Variants in NFE2L2 observed in about 807,000 individuals in gnomAD.
NFE2L2 encodes nuclear factor erythroid 2-related factor 2.
In NFE2L2, 20 loss-of-function variants were observed where a neutral mutation model predicts 49.6. The ratio of observed to expected loss-of-function variants is 0.40; its 90% confidence interval spans 0.28 to 0.59. NFE2L2 has a LOEUF of 0.59. Among genes scored for constraint, NFE2L2 ranks in the 20% least tolerant of loss-of-function variants. NFE2L2 has a pLI of 0.40. For missense variants in NFE2L2, 578 were observed against 714.2 expected, an observed-to-expected ratio of 0.81 and a Z score of 2.17; for synonymous variants, 244 against 256.5, an observed-to-expected ratio of 0.95 and a Z score of 0.47.
chr2:177,246,887 T>A (rs538111123), intron 1 of NFE2L2, among the ~76,000 whole-genome samples: 1 of 149,392 alleles, frequency 6.7e-6, no homozygotes, highest in African/African-American at 2.5e-5. Flanking sequence ...CGTGAGCCAC[T>A]GCACCCAGAC....
chr2:177,247,684 C>CAAAAAA (rs57701650), intron 1 of NFE2L2, among the ~76,000 whole-genome samples: 2 of 56,334 alleles, frequency 3.6e-5, no homozygotes, highest in Non-Finnish European at 7.7e-5. Flanking sequence ...CCCCACCCCG[C>CAAAAAA]AAAAAAAAAA....
At chr2:177,253,798 A>G (rs1324362270) in intron 1 of NFE2L2, among the ~76,000 whole-genome samples, 5 of 152,224 alleles carry the variant, frequency 3.3e-5, no homozygotes, top group Non-Finnish European at 4.4e-5. Flanking sequence ...AACTATTAAC[A>G]CTCACCCCTT....
Position 177,231,674 on chromosome 2 carries a change from G to C in NFE2L2, c.929C>G (p.Ser310Cys). ...PSPATLSHSL[S>C]ELLNGPIDVS... ...ATCAATGGGCCCATTTAGAAGTTCA[G>C]AGAGTGAATGGCTTAAAGTAGCAGG... The change falls in exon 5 of 5, where the codon TCT (serine) becomes TGT (cysteine). Residue 310 changes from serine (S) to cysteine (C), a missense_variant. By Grantham distance (112) the Ser-to-Cys change is moderately radical (BLOSUM62 -1). Transcript: ENST00000397062. The C allele has an allele frequency of 1.9e-6, 3 of 1,614,190 alleles. No homozygotes were observed.
chr2:177,247,502 ATACAAAAAAT>A (rs908564347), intron 1 of NFE2L2, among the ~76,000 whole-genome samples: 59 of 152,144 alleles, frequency 3.9e-4, no homozygotes, highest in African/African-American at 1.3e-3. Flanking sequence ...TCTACTAAAA[ATACAAAAAAT>A]TAGCCGGGCG....
At chr2:177,236,888 G>A (rs549875306) in intron 1 of NFE2L2, among the ~76,000 whole-genome samples, 5 of 151,890 alleles carry the variant, frequency 3.3e-5, no homozygotes, top group South Asian at 4.2e-4. Context: ...CTCATTTTGA[G>A]ATAGGGTCTC....
rs1689528824 is a variant in NFE2L2, at chr2:177,231,144, T to C, written c.1459A>G (p.Lys487Glu). The C allele has an allele frequency of 1.2e-6, 2 of 1,614,094 alleles. No homozygotes were observed. Among genetic ancestry groups the C allele is most frequent in the African/African-American group, 2.7e-5 (2 of 74,944 alleles). ...PVVDFNEMMS[K>E]EQFNEAQLAL... is the part of the protein sequence containing the mutation. The stretch of plus-strand genomic sequence containing the variant: ...AGTTGAGCTTCATTGAACTGCTCTT[T>C]GGACATCATTTCGTTGAAGTCAACA... Residue 487 changes from lysine (K) to glutamate (E), a missense_variant, in exon 5 of 5, where the codon AAA becomes GAA. This residue lies in a region of NFE2L2 where 117 missense variants were observed against 175.8 expected (regional missense o/e 0.67). Coordinates refer to ENST00000397062, the MANE Select transcript of NFE2L2 (RefSeq NM_006164.5).
chr2:177,242,113 T>TA (rs1689956144), intron 1 of NFE2L2, among the ~76,000 whole-genome samples: 1 of 152,248 alleles, frequency 6.6e-6, no homozygotes, highest in African/African-American at 2.4e-5. Flanking sequence ...CACATTCCAG[T>TA]ACTTTTGGTT....
intron 1 of NFE2L2, among the ~76,000 whole-genome samples, chr2:177,246,054 G>C (rs1281654547): frequency 6.6e-6 from 1 of 152,146 alleles, no homozygotes; most frequent in Non-Finnish European, 1.5e-5. Flanking sequence ...ACTGCTCCTT[G>C]GTGTTCACAC....
At chr2:177,256,834 T>C (rs1690544376) in intron 1 of NFE2L2, among the ~76,000 whole-genome samples, 1 of 152,188 alleles carries the variant, frequency 6.6e-6, no homozygotes. Flanking sequence ...GAGGCCACAG[T>C]GGACAGAGTT....
chr2:177,261,179 A>C lies in NFE2L2; in HGVS notation c.45+3353T>G, dbSNP rs531805004. Among the ~76,000 whole-genome samples the C allele has an allele frequency of 2.4e-4, 37 of 151,482 alleles. 1 individual carries two copies. The East Asian group carries it at 4.4e-3, about 18-fold the overall frequency. On this transcript the variant is annotated intron_variant, in intron 1 of 4. Coordinates refer to ENST00000397062, the MANE Select transcript of NFE2L2 (RefSeq NM_006164.5). Reference sequence around the variant, plus strand: ...GAACAAGACTTCATCTCAAAAAAAAAAAAAAACAAAAAACAAAAAACAGTC... The same window carrying C: ...GAACAAGACTTCATCTCAAAAAAAACAAAAAACAAAAAACAAAAAACAGTC...
At chr2:177,258,358 A>G (rs1280199310) in intron 1 of NFE2L2, among the ~76,000 whole-genome samples, 1 of 152,372 alleles carries the variant, frequency 6.6e-6, no homozygotes, top group East Asian at 1.9e-4. Flanking sequence ...TTCCATTTAC[A>G]TGCTATTCCA....
In NFE2L2 at chr2:177,230,372, A is replaced by G. The variant is rs751033344; in HGVS notation, c.*413T>C. On this transcript the variant is annotated 3_prime_UTR_variant, in exon 5 of 5. Transcript: ENST00000397062. ...AAAATTTTTTTTTTTTGCCAGAGCTAAACAATTTAATATAAAAAATGCCAT... is the reference window on the plus strand; with the variant it reads ...AAAATTTTTTTTTTTTGCCAGAGCTGAACAATTTAATATAAAAAATGCCAT... 27 of 233,012 alleles carry G rather than the reference A, an allele frequency of 1.2e-4. No homozygotes were observed. Among genetic ancestry groups the G allele is most frequent in the Non-Finnish European group, 2.0e-4 (24 of 117,956 alleles). 14.4% of individuals were successfully genotyped at this position (233,012 alleles called of 1,614,324 possible).
intron 1 of NFE2L2, among the ~76,000 whole-genome samples, chr2:177,257,495 T>G (rs533794124): frequency 6.6e-6 from 1 of 152,354 alleles, no homozygotes; most frequent in African/African-American, 2.4e-5. Context: ...AGTTCCTGAA[T>G]GTAGGTGTTA....
At chr2:177,246,238 A>ATAGGGAG (rs1690124339) in intron 1 of NFE2L2, among the ~76,000 whole-genome samples, 1 of 152,118 alleles carries the variant, frequency 6.6e-6, no homozygotes, top group Non-Finnish European at 1.5e-5. Context: ...AAATCAGGAC[A>ATAGGGAG]ACTCCCTTGC....
In NFE2L2 at chr2:177,261,064, G is replaced by A. The variant is rs368109647; in HGVS notation, c.45+3468C>T. ...TGGGTGCCTATAATCCCAGCTACTC[G>A]GGAGGCTGAAGCAGGAGAATCACTT... On this transcript the variant is annotated intron_variant, in intron 1 of 4. Transcript: ENST00000397062. Among the ~76,000 whole-genome samples, 12 of 151,148 alleles carry A rather than the reference G, an allele frequency of 7.9e-5. No homozygotes were observed. In the East Asian group the frequency reaches 2.1e-3, roughly 27 times the overall value.
intron 1 of NFE2L2, among the ~76,000 whole-genome samples, chr2:177,261,178 AAAAAAAACAAAAAAC>A (rs1558993484): frequency 1.3e-5 from 2 of 151,334 alleles, no homozygotes; most frequent in African/African-American, 4.9e-5. Context: ...CTCAAAAAAA[AAAAAAAACAAAAAAC>A]AAAAAACAGT....
intron 1 of NFE2L2, among the ~76,000 whole-genome samples, chr2:177,256,644 T>G (rs1205267003): frequency 2.0e-5 from 3 of 152,110 alleles, no homozygotes; most frequent in African/African-American, 7.2e-5. Flanking sequence ...ACGAAACTCC[T>G]AAGTAAAATA....
At chr2:177,249,174 C>T (rs924068285) in intron 1 of NFE2L2, among the ~76,000 whole-genome samples, 1 of 152,054 alleles carries the variant, frequency 6.6e-6, no homozygotes, top group African/African-American at 2.4e-5. Flanking sequence ...AACCATGTTT[C>T]TGCCACTATA....
rs763451136 is a variant in NFE2L2, at chr2:177,231,764, T to A, written c.839A>T (p.Asp280Val). 10 of 1,614,200 alleles carry A rather than the reference T, an allele frequency of 6.2e-6. No individual in the cohort carries two copies. Among genetic ancestry groups the A allele is most frequent in the Non-Finnish European group, 7.6e-6 (9 of 1,180,020 alleles). The change falls in exon 5 of 5, where the codon GAT (aspartate) becomes GTT (valine). Residue 280 changes from aspartate (D) to valine (V), a missense_variant. Transcript: ENST00000397062. ...AGCAGAATAAAATTCATCACCAAAA[T>A]CTGTGTTGACTGTGGCATCTGAATT... ...SLNSDATVNT[D>V]FGDEFYSAFI...
Sources: allele counts gnomAD v4.1 joint callset (sites outside exome capture counted in the v4.1 genomes callset), GRCh38; gene constraint gnomAD v4.1.1; regional missense constraint gnomAD v4.1.1; transcripts MANE v1.5; gene names NCBI Gene and HGNC (gene_info 2026-07-23, HGNC 2026-07-21).